The following SLC19A1 variants were observed in gnomAD, a reference collection of about 807,000 sequenced individuals.
SLC19A1 encodes solute carrier family 19 member 1.
In SLC19A1, 37 loss-of-function variants were observed where a neutral mutation model predicts 35.3. The ratio of observed to expected loss-of-function variants is 1.05; its 90% confidence interval spans 0.81 to 1.38. The LOEUF is 1.38. Among genes scored for constraint, SLC19A1 ranks in the 40% most tolerant of loss-of-function variants. The pLI is 0.00. For missense variants in SLC19A1, 831 were observed against 826.9 expected, an observed-to-expected ratio of 1.00 and a Z score of -0.06; for synonymous variants, 460 against 398.5, an observed-to-expected ratio of 1.15 and a Z score of -1.84.
upstream of SLC19A1, among the ~76,000 whole-genome samples, chr21:45,546,720 A>G (rs1255915772): frequency 3.9e-5 from 6 of 152,242 alleles, no homozygotes; most frequent in Admixed American, 3.9e-4. Context: ...GCCTACTGCA[A>G]GGTGGAGTTT....
At position 45,534,441 on chromosome 21, in the gene SLC19A1, C is replaced by G; in HGVS notation, c.190-2293G>C. The G allele has an allele frequency of 9.9e-7, 1 of 1,005,062 alleles. No homozygotes were observed. Among genetic ancestry groups the G allele is most frequent in the Non-Finnish European group, 1.5e-6 (1 of 674,482 alleles). 62.3% of individuals were successfully genotyped at this position (1,005,062 alleles called of 1,614,324 possible). A position where few individuals can be genotyped will look rare whatever the true frequency, so the allele number is the denominator to read the frequency against. ...CCGGGGCACAGGTTCTGCCCACAGCCCAGAGTCAAAATGGTAGACAGCCAG... is the reference window on the plus strand; with the variant it reads ...CCGGGGCACAGGTTCTGCCCACAGCGCAGAGTCAAAATGGTAGACAGCCAG... On this transcript the variant is annotated intron_variant, in intron 2 of 5. Transcript: ENST00000311124. This position sits in a 1 kb window ranked among gnomAD's most constrained non-coding sequence, Gnocchi z 4.2.
chr21:45,529,695 T>C (rs1329527390), intron 4 of SLC19A1, among the ~76,000 whole-genome samples: 2 of 151,780 alleles, frequency 1.3e-5, no homozygotes, highest in Non-Finnish European at 1.5e-5. Context: ...ATGTGTTGTG[T>C]GTCCGTGTGG....
In SLC19A1 at chr21:45,524,094, C is replaced by T. The variant is rs150021994; in HGVS notation, c.1293+1723G>A. ...CACCCCTGGGCTTCGGAGGCTCACCCGCCCTGAGCGTTCACCCCTGGGCCT... is the reference window on the plus strand; with the variant it reads ...CACCCCTGGGCTTCGGAGGCTCACCTGCCCTGAGCGTTCACCCCTGGGCCT... On this transcript the variant is annotated intron_variant, in intron 5 of 5. Transcript: ENST00000311124. Among the ~76,000 whole-genome samples, 460 of 144,398 alleles carry T rather than the reference C, an allele frequency of 3.2e-3. 2 individuals are homozygous for T. Among genetic ancestry groups the T allele is most frequent in the African/African-American group, 0.011 (435 of 38,968 alleles). The allele number at this position is 144,398 out of a possible 152,430, so 94.7% of individuals were successfully genotyped here.
chr21:45,543,236 C>G (rs941118978), upstream of SLC19A1, among the ~76,000 whole-genome samples: 2 of 152,184 alleles, frequency 1.3e-5, no homozygotes, highest in Non-Finnish European at 2.9e-5. Flanking sequence ...ACAGCACCGC[C>G]GAAAGCCCAA....
intron 5 of SLC19A1, among the ~76,000 whole-genome samples, chr21:45,523,370 G>A (rs933322590): frequency 6.6e-6 from 1 of 152,154 alleles, no homozygotes; most frequent in Non-Finnish European, 1.5e-5. Flanking sequence ...TGTGACAAGA[G>A]GCAGCCAGGA....
chr21:45,556,129 C>T (rs931951696), intron 1 of SLC19A1, among the ~76,000 whole-genome samples: 2 of 152,224 alleles, frequency 1.3e-5, no homozygotes, highest in African/African-American at 2.4e-5. Flanking sequence ...GCAGGGTCCC[C>T]TCCTGGCCAC....
intron 1 of SLC19A1, among the ~76,000 whole-genome samples, chr21:45,541,445 T>G (rs1209900685): frequency 6.6e-6 from 1 of 152,230 alleles, no homozygotes; most frequent in African/African-American, 2.4e-5. Context: ...CTCCAAGGAC[T>G]TTATCCCACC....
At chr21:45,504,718 C>T (rs559142395) in intron 3 of SLC19A1, among the ~76,000 whole-genome samples, 1 of 152,138 alleles carries the variant, frequency 6.6e-6, no homozygotes, top group South Asian at 2.1e-4. Context: ...ACGCAGCAGG[C>T]CACATGGGTG....
chr21:45,503,204 C>CTATT (rs2036958938), intron 3 of SLC19A1, among the ~76,000 whole-genome samples: 1 of 152,158 alleles, frequency 6.6e-6, no homozygotes, highest in Admixed American at 6.5e-5. Flanking sequence ...AAAAGTGTTC[C>CTATT]TATTTCTCTA....
chr21:45,529,651 T>C (rs1052002137), intron 4 of SLC19A1, among the ~76,000 whole-genome samples: 2 of 151,656 alleles, frequency 1.3e-5, no homozygotes, highest in Non-Finnish European at 1.5e-5. Context: ...GGTGTGTCCA[T>C]GTGTGAACGT....
At chr21:45,510,494 C>A (rs1276996464), downstream of SLC19A1, among the ~76,000 whole-genome samples, 1 of 152,266 alleles carries the variant, frequency 6.6e-6, no homozygotes, top group South Asian at 2.1e-4. Context: ...CCCATGAGGC[C>A]CCCCCGTGGC....
intron 1 of SLC19A1, among the ~76,000 whole-genome samples, chr21:45,555,407 T>C (rs1602957960): frequency 1.9e-5 from 1 of 51,850 alleles, no homozygotes; most frequent in Non-Finnish European, 3.5e-5. Context: ...GCAGGGGCGG[T>C]GTGGAGAGCT....
downstream of SLC19A1, chr21:45,510,312 T>G (rs763287468): frequency 6.5e-7 from 1 of 1,539,660 alleles, no homozygotes; most frequent in African/African-American, 1.4e-5. Context: ...CCACTTGACC[T>G]CTGGGGTGAA....
rs2077832861 is a variant in SLC19A1, at chr21:45,530,483, G to C, written c.1151+287C>G. 6.6e-6 allele frequency among the ~76,000 whole-genome samples: 1 copy of C among 152,156 alleles called. No individual in the cohort carries two copies. Among genetic ancestry groups the C allele is most frequent in the Non-Finnish European group, 1.5e-5 (1 of 68,008 alleles). On this transcript the variant is annotated intron_variant, in intron 4 of 5. Coordinates refer to ENST00000311124, the MANE Select transcript of SLC19A1 (RefSeq NM_194255.4). This position sits in a 1 kb window ranked among gnomAD's most constrained non-coding sequence, Gnocchi z 5.3. Reference sequence around the variant, plus strand: ...CCGCTCCTGCCTGGATGGGGTCTCAGCAGCCCGGGGCCTAGAGGGTGGGGT... The same window carrying C: ...CCGCTCCTGCCTGGATGGGGTCTCACCAGCCCGGGGCCTAGAGGGTGGGGT...
At chr21:45,545,157 G>A (rs1215885816), upstream of SLC19A1, among the ~76,000 whole-genome samples, 2 of 152,176 alleles carry the variant, frequency 1.3e-5, no homozygotes, top group Admixed American at 6.5e-5. Flanking sequence ...ACAGACATGC[G>A]CAGACACGCA....
upstream of SLC19A1, among the ~76,000 whole-genome samples, chr21:45,547,708 TTTGA>T (rs2146482285): frequency 6.6e-6 from 1 of 152,326 alleles, no homozygotes; most frequent in African/African-American, 2.4e-5. Context: ...CTTACATGTA[TTTGA>T]TTGGTGTCTC....
At chr21:45,504,390 C>G in intron 3 of SLC19A1, 1 of 1,606,610 alleles carries the variant, frequency 6.2e-7, no homozygotes, top group African/African-American at 1.3e-5. Context: ...TCAGGGCTCC[C>G]GTGTAACAAG....
At position 45,533,464 on chromosome 21, in the gene SLC19A1, C is replaced by A. The variant is rs1226748966; in HGVS notation, c.190-1316G>T. ...AGGAAGAGGCCCCACCCCTGTGAGG[C>A]CAAGCCGCTTGCCTTGCCCCTCCCT... On this transcript the variant is annotated intron_variant, in intron 2 of 5. Transcript: ENST00000311124. This position sits in a 1 kb window ranked among gnomAD's most constrained non-coding sequence, Gnocchi z 4.5. Among the ~76,000 whole-genome samples, 3 of 152,180 alleles carry A rather than the reference C, an allele frequency of 2.0e-5. No individual in the cohort carries two copies. Among genetic ancestry groups the A allele is most frequent in the Non-Finnish European group, 4.4e-5 (3 of 68,004 alleles).
At chr21:45,554,572 T>C (rs950613001) in intron 1 of SLC19A1, among the ~76,000 whole-genome samples, 2 of 124,800 alleles carry the variant, frequency 1.6e-5, no homozygotes, top group African/African-American at 6.3e-5. Context: ...ACAGGGGGCG[T>C]CCTCTTGTGC....
Sources: gnomAD v4.1 joint callset for allele counts (sites outside exome capture counted in the v4.1 genomes callset) on GRCh38, gnomAD v4.1.1 for gene constraint, Gnocchi (gnomAD v3.1) non-coding constraint, MANE v1.5 for transcripts, NCBI Gene and HGNC (gene_info 2026-07-23, HGNC 2026-07-21) for gene names.